The following EYS variants were observed in gnomAD, a reference collection of about 807,000 sequenced individuals.
The protein encoded by EYS is EGF-like photoreceptor maintenance factor, also known as protein eyes shut homolog.
In EYS, 250 loss-of-function variants were observed where a neutral mutation model predicts 282.1. The ratio of observed to expected loss-of-function variants is 0.89; its 90% confidence interval spans 0.80 to 0.98. EYS has a LOEUF of 0.98. EYS is among the 50% of genes least tolerant of loss of function. EYS has a pLI of 0.00. For missense variants in EYS, 4,016 were observed against 3,709.0 expected (o/e 1.08, Z -2.15); for synonymous variants, 1,355 against 1,282.9 (o/e 1.06, Z -1.20).
chr6:64,584,261 G>A (rs907570509), intron 26 of EYS, among the ~76,000 whole-genome samples: 2 of 151,868 alleles, frequency 1.3e-5, no homozygotes, highest in Non-Finnish European at 2.9e-5. Context: ...CATATGTGTG[G>A]TGTGCATGTA....
intron 13 of EYS, among the ~76,000 whole-genome samples, chr6:65,005,902 C>A (rs555547438): frequency 6.6e-6 from 1 of 152,200 alleles, no homozygotes; most frequent in Non-Finnish European, 1.5e-5. Flanking sequence ...GTCCCGACCA[C>A]GACTTTTTTG....
intron 22 of EYS, among the ~76,000 whole-genome samples, chr6:64,637,884 A>G (rs1230213514): frequency 1.1e-5 from 1 of 91,290 alleles, no homozygotes; most frequent in African/African-American, 4.2e-5. Flanking sequence ...CATGTGTACC[A>G]CACATAAAAT....
At chr6:65,373,345 G>T (rs1000254388) in intron 8 of EYS, among the ~76,000 whole-genome samples, 2 of 152,074 alleles carry the variant, frequency 1.3e-5, no homozygotes, top group Non-Finnish European at 2.9e-5. Flanking sequence ...AATGCTAAAT[G>T]AGAATGGGGA....
At chr6:64,628,907 T>C (rs114298375) in intron 22 of EYS, among the ~76,000 whole-genome samples, 32 of 152,320 alleles carry the variant, frequency 2.1e-4, no homozygotes, top group Non-Finnish European at 3.4e-4. Flanking sequence ...CCAGTTTCCT[T>C]TATTGTTAAC....
At chr6:65,441,226 TTCAC>T (rs1244345970) in intron 5 of EYS, among the ~76,000 whole-genome samples, 1 of 151,682 alleles carries the variant, frequency 6.6e-6, no homozygotes, top group Non-Finnish European at 1.5e-5. Context: ...TTTTATGAAA[TTCAC>T]TCATTGCACA....
At chr6:64,891,763 C>G (rs914346664) in intron 18 of EYS, among the ~76,000 whole-genome samples, 1 of 152,040 alleles carries the variant, frequency 6.6e-6, no homozygotes, top group South Asian at 2.1e-4. Context: ...CTAAAGTATA[C>G]CTTCCTTTGA....
chr6:63,955,040 C>G (rs1765756499), intron 35 of EYS, among the ~76,000 whole-genome samples: 1 of 152,208 alleles, frequency 6.6e-6, no homozygotes, highest in Non-Finnish European at 1.5e-5. Context: ...TGACTTTACT[C>G]ACATGTCCTG....
At chr6:64,683,237 A>G (rs1769968278) in intron 22 of EYS, among the ~76,000 whole-genome samples, 1 of 152,198 alleles carries the variant, frequency 6.6e-6, no homozygotes, top group Non-Finnish European at 1.5e-5. Flanking sequence ...AAGAAATAAG[A>G]AAATGTGATC....
At chr6:65,006,340 A>C (rs1381480611) in intron 13 of EYS, among the ~76,000 whole-genome samples, 2 of 152,100 alleles carry the variant, frequency 1.3e-5, no homozygotes, top group Non-Finnish European at 2.9e-5. Flanking sequence ...CTTTGTTGTC[A>C]GTGTAAATAA....
At chr6:64,371,746 G>C (rs1772381322) in intron 29 of EYS, among the ~76,000 whole-genome samples, 1 of 152,060 alleles carries the variant, frequency 6.6e-6, no homozygotes. Context: ...AGTTGAATTA[G>C]ACCTTTACCA....
At chr6:65,381,346 C>T (rs1323616166) in intron 8 of EYS, among the ~76,000 whole-genome samples, 2 of 151,958 alleles carry the variant, frequency 1.3e-5, no homozygotes, top group African/African-American at 2.4e-5. Flanking sequence ...AACCATCATC[C>T]TCAGCAAAGC....
At chr6:64,592,668 A>G (rs1766449523) in intron 25 of EYS, among the ~76,000 whole-genome samples, 1 of 152,132 alleles carries the variant, frequency 6.6e-6, no homozygotes, top group East Asian at 1.9e-4. Context: ...TTGGACATGT[A>G]AAAAACAGCC....
intron 29 of EYS, among the ~76,000 whole-genome samples, chr6:64,317,619 G>A (rs1250440576): frequency 1.3e-5 from 2 of 152,102 alleles, no homozygotes; most frequent in African/African-American, 4.8e-5. Context: ...AAGACAGTGT[G>A]GCAATTCCTC....
intron 8 of EYS, among the ~76,000 whole-genome samples, chr6:65,364,431 G>T (rs973199402): frequency 1.2e-4 from 18 of 150,866 alleles, no homozygotes; most frequent in African/African-American, 4.4e-4. Context: ...TGATAACCTT[G>T]CATGAGTTGA....
intron 2 of EYS, among the ~76,000 whole-genome samples, chr6:65,636,931 C>T (rs1195484706): frequency 6.6e-6 from 1 of 152,200 alleles, no homozygotes; most frequent in Non-Finnish European, 1.5e-5. Flanking sequence ...CCCACCTCAG[C>T]CTCCTGAATA....
chr6:64,261,787 G>GTTTTTTTTTTTT (rs55966462), intron 30 of EYS, among the ~76,000 whole-genome samples: 1 of 144,746 alleles, frequency 6.9e-6, no homozygotes, highest in Non-Finnish European at 1.5e-5. Flanking sequence ...AGGTTATTTT[G>GTTTTTTTTTTTT]TTTTTTTTTT....
chr6:64,107,113 T>C (rs1179990944), intron 31 of EYS, among the ~76,000 whole-genome samples: 2 of 150,920 alleles, frequency 1.3e-5, no homozygotes, highest in African/African-American at 2.4e-5. Flanking sequence ...AGCATATTAA[T>C]CATAGTTTTT....
At chr6:64,223,774 A>C (rs1157415429) in intron 31 of EYS, among the ~76,000 whole-genome samples, 1 of 152,088 alleles carries the variant, frequency 6.6e-6, no homozygotes, top group East Asian at 1.9e-4. Flanking sequence ...TGTATTAAAA[A>C]CAAATAGGAA....
chr6:64,670,402 AAAATAAATAAATAAATAAATAAAT>A (rs60435635), intron 22 of EYS, among the ~76,000 whole-genome samples: 1 of 145,428 alleles, frequency 6.9e-6, no homozygotes, highest in Non-Finnish European at 1.5e-5. Flanking sequence ...GAAGTGGCCC[AAAATAAATAAATAAATAAATAAAT>A]AAATAAATAA....
Sources: gnomAD v4.1 joint callset for allele counts (sites outside exome capture counted in the v4.1 genomes callset) on GRCh38, gnomAD v4.1.1 for gene constraint, MANE v1.5 for transcripts, NCBI Gene and HGNC (gene_info 2026-07-23, HGNC 2026-07-21) for gene names.